The following GLS variants were observed in gnomAD, a reference collection of about 807,000 sequenced individuals.
GLS encodes the protein glutaminase.
Under a neutral mutation model 86.7 loss-of-function variants are expected in GLS, and 36 were observed. The observed-to-expected ratio is 0.42, with a 90% CI of 0.32 to 0.55. The LOEUF (loss-of-function observed/expected upper bound fraction) is 0.55. GLS is among the 20% of genes least tolerant of loss of function. The pLI is 0.17. For missense variants in GLS, 528 were observed against 833.4 expected (o/e 0.63, Z 4.51); for synonymous variants, 317 against 305.9 (o/e 1.04, Z -0.38).
At chr2:190,883,798 A>G (rs1363081667) in intron 1 of GLS, among the ~76,000 whole-genome samples, 2 of 152,164 alleles carry the variant, frequency 1.3e-5, no homozygotes, top group African/African-American at 4.8e-5. Flanking sequence ...AACCACACCA[A>G]TTTCATCAGT....
At chr2:190,916,386 C>T (rs1689535772) in intron 7 of GLS, among the ~76,000 whole-genome samples, 1 of 152,016 alleles carries the variant, frequency 6.6e-6, no homozygotes, top group African/African-American at 2.4e-5. Context: ...GATTTTTTAT[C>T]ATTTTTAGTT....
At chr2:190,906,027 A>G (rs973047795) in intron 6 of GLS, among the ~76,000 whole-genome samples, 1 of 151,894 alleles carries the variant, frequency 6.6e-6, no homozygotes, top group Non-Finnish European at 1.5e-5. Context: ...TAAGACTGGT[A>G]TTTTCTTATG....
At chr2:190,937,240 T>A (rs1690297903) in intron 14 of GLS, among the ~76,000 whole-genome samples, 1 of 151,442 alleles carries the variant, frequency 6.6e-6, no homozygotes, top group Non-Finnish European at 1.5e-5. Context: ...AACCTTTGTT[T>A]GTTAACATTG....
intron 7 of GLS, among the ~76,000 whole-genome samples, chr2:190,918,861 G>A (rs935825622): frequency 6.6e-6 from 1 of 152,116 alleles, no homozygotes; most frequent in Non-Finnish European, 1.5e-5. Context: ...CCCAAGGAGA[G>A]GGAGAGAGAT....
intron 11 of GLS, among the ~76,000 whole-genome samples, chr2:190,925,578 A>T (rs1689871680): frequency 6.6e-6 from 1 of 152,206 alleles, no homozygotes; most frequent in East Asian, 1.9e-4. Flanking sequence ...GCCACATAGG[A>T]GGCTACATTA....
At chr2:190,904,821 C>T (rs1021635365) in intron 5 of GLS, among the ~76,000 whole-genome samples, 183 bp from the exon 6 acceptor site, 4 of 152,038 alleles carry the variant, frequency 2.6e-5, no homozygotes, top group Non-Finnish European at 4.4e-5. Flanking sequence ...CTGGAATCCA[C>T]CTCCCACAGA....
chr2:190,933,376 A>T (rs1690170928), intron 14 of GLS: 1 of 880,444 alleles, frequency 1.1e-6, no homozygotes, highest in Non-Finnish European at 1.4e-6. Context: ...GCAGTGGATT[A>T]TAAAATTAGC....
At chr2:190,941,747 G>A (rs933618020) in intron 14 of GLS, among the ~76,000 whole-genome samples, 10 of 152,134 alleles carry the variant, frequency 6.6e-5, no homozygotes, top group African/African-American at 1.2e-4. Flanking sequence ...AGGCAAATGC[G>A]CTGAAGAAGA....
chr2:190,911,184 C>T (rs543064188), intron 7 of GLS, among the ~76,000 whole-genome samples: 2 of 151,998 alleles, frequency 1.3e-5, no homozygotes, highest in Non-Finnish European at 2.9e-5. Flanking sequence ...AGCATAACTA[C>T]ATGGCCTTGT....
In GLS at chr2:190,955,575, G is replaced by A. The variant is rs1690842208; in HGVS notation, c.1853+757G>A. Reference sequence around the variant, plus strand: ...CCAAGTCTTTTCTATTGTGAACAGTGCCACAATAAACATACATGTGCATGT... The same window carrying A: ...CCAAGTCTTTTCTATTGTGAACAGTACCACAATAAACATACATGTGCATGT... On this transcript the variant is annotated intron_variant, in intron 17 of 17. Transcript: ENST00000320717. The surrounding 1 kb of genome is among the most constrained non-coding windows in gnomAD (Gnocchi z 5.6). Among the ~76,000 whole-genome samples, 1 of 152,144 alleles carries A rather than the reference G, an allele frequency of 6.6e-6. No individual in the cohort carries two copies. Among genetic ancestry groups the A allele is most frequent in the Non-Finnish European group, 1.5e-5 (1 of 68,028 alleles).
In GLS at chr2:190,913,818, A is replaced by G; in HGVS notation, c.1038+3497A>G. The stretch of plus-strand genomic sequence containing the variant: ...CAGAGTTTTTTGTTTTTTGTTTTTT[A>G]GAGACAAGGTCTCTCTCTGTTGCCC... On this transcript the variant is annotated intron_variant, in intron 7 of 17. Coordinates refer to ENST00000320717, the MANE Select transcript of GLS (RefSeq NM_014905.5). The surrounding 1 kb of genome is among the most constrained non-coding windows in gnomAD (Gnocchi z 6.1). 3 of 781,922 alleles carry G rather than the reference A, an allele frequency of 3.8e-6. No individual in the cohort carries two copies. Among genetic ancestry groups the G allele is most frequent in the Non-Finnish European group, 4.7e-6 (3 of 644,556 alleles). The allele number at this position is 781,922 out of a possible 1,614,324, so 48.4% of individuals were successfully genotyped here. A position where few individuals can be genotyped will look rare whatever the true frequency, so the allele number is the denominator to read the frequency against.
At chr2:190,887,684 T>C (rs1322294593) in intron 1 of GLS, among the ~76,000 whole-genome samples, 3 of 152,180 alleles carry the variant, frequency 2.0e-5, no homozygotes. Flanking sequence ...CATACCTTTT[T>C]AGGAATCTAA....
intron 1 of GLS, among the ~76,000 whole-genome samples, chr2:190,883,042 C>T (rs1574553101): frequency 6.6e-6 from 1 of 152,180 alleles, no homozygotes; most frequent in African/African-American, 2.4e-5. Context: ...GAACTGCATT[C>T]TAGTAAAATT....
At chr2:190,957,938 G>T (rs771851052) in intron 17 of GLS, among the ~76,000 whole-genome samples, 10 of 152,184 alleles carry the variant, frequency 6.6e-5, no homozygotes, top group Non-Finnish European at 4.4e-5. Flanking sequence ...AGTTAGGGAG[G>T]ATTCCTTCTT....
chr2:190,956,695 G>C lies in GLS; in HGVS notation c.1853+1877G>C, dbSNP rs1466852783. Among the ~76,000 whole-genome samples, 1 of 152,172 alleles carries C rather than the reference G, an allele frequency of 6.6e-6. No homozygotes were observed. Among genetic ancestry groups the C allele is most frequent in the Non-Finnish European group, 1.5e-5 (1 of 68,020 alleles). ...TAGAACCTATAAATTACTTTGGGTT[G>C]TATGGCCATTTTCATGATATTGATT... is the stretch of plus-strand genomic sequence containing the variant. On this transcript the variant is annotated intron_variant, in intron 17 of 17. Transcript: ENST00000320717. The surrounding 1 kb of genome is among the most constrained non-coding windows in gnomAD (Gnocchi z 4.2).
rs182019137 is a variant in GLS, at chr2:190,900,880, T to C, written c.735+187T>C. On this transcript the variant is annotated intron_variant, in intron 4 of 17. Transcript: ENST00000320717. Reference sequence around the variant, plus strand: ...GTATTTTAAATATTTAACTTTGTTATTCTGGTTAAAGAGAAATCTAAGGGT... The same window carrying C: ...GTATTTTAAATATTTAACTTTGTTACTCTGGTTAAAGAGAAATCTAAGGGT... Among the ~76,000 whole-genome samples, 383 of 152,298 alleles carry C rather than the reference T, an allele frequency of 2.5e-3. 1 individual carries two copies. Among genetic ancestry groups the C allele is most frequent in the African/African-American group, 8.5e-3 (355 of 41,586 alleles).
chr2:190,941,371 T>C (rs1690423545), intron 14 of GLS, among the ~76,000 whole-genome samples: 1 of 152,334 alleles, frequency 6.6e-6, no homozygotes, highest in Non-Finnish European at 1.5e-5. Context: ...GACACAAATA[T>C]GCAATGTAGT....
At chr2:190,883,499 A>C (rs777478147) in intron 1 of GLS, among the ~76,000 whole-genome samples, 17 of 152,254 alleles carry the variant, frequency 1.1e-4, no homozygotes, top group Non-Finnish European at 2.9e-5. Context: ...TGAGAAAATT[A>C]AATTAACATT....
chr2:190,881,580 A>C, intron 1 of GLS, 110 bp downstream of exon 1: 2 of 1,064,514 alleles, frequency 1.9e-6, no homozygotes, highest in South Asian at 1.6e-5. Flanking sequence ...TAGAAAAGAG[A>C]AAGAAAGAGG....
Sources: allele counts gnomAD v4.1 joint callset (sites outside exome capture counted in the v4.1 genomes callset), GRCh38; gene constraint gnomAD v4.1.1; non-coding constraint Gnocchi (gnomAD v3.1); transcripts MANE v1.5; gene names NCBI Gene and HGNC (gene_info 2026-07-23, HGNC 2026-07-21).